DNAH7: variants seen among roughly 807,000 people sequenced by gnomAD.
DNAH7 encodes the protein dynein axonemal heavy chain 7.
In DNAH7, 397 loss-of-function variants were observed where a neutral mutation model predicts 444.6. That is an observed-to-expected ratio of 0.89 (90% CI 0.82 to 0.97). The LOEUF is 0.97. DNAH7 is among the 50% of genes least tolerant of loss of function. DNAH7 has a pLI of 0.00. For synonymous variants in DNAH7, 1,636 were observed against 1,624.4 expected (o/e 1.01, Z -0.17); for missense variants, 4,902 against 4,800.8 (o/e 1.02, Z -0.62).
chr2:195,995,382 C>T, intron 12 of DNAH7: 1 of 513,118 alleles, frequency 1.9e-6, no homozygotes, highest in Non-Finnish European at 3.9e-6. Flanking sequence ...GGTGAGCACA[C>T]CAAGGGATGT....
intron 58 of DNAH7, among the ~76,000 whole-genome samples, chr2:195,779,085 C>T (rs544884261): frequency 6.6e-6 from 1 of 152,242 alleles, no homozygotes; most frequent in Admixed American, 6.5e-5. Context: ...CCTCATGATC[C>T]GCCTGCCTTG....
At chr2:195,746,821 A>G (rs1386925782) in intron 63 of DNAH7, among the ~76,000 whole-genome samples, 4 of 152,186 alleles carry the variant, frequency 2.6e-5, no homozygotes, top group Non-Finnish European at 5.9e-5. Context: ...ACAACATACC[A>G]GAATCTCTGG....
chr2:195,949,270 A>G (rs1243992721), intron 19 of DNAH7, among the ~76,000 whole-genome samples: 1 of 151,990 alleles, frequency 6.6e-6, no homozygotes, highest in Non-Finnish European at 1.5e-5. Context: ...TCCTTTTTGA[A>G]TACCACTTAT....
chr2:195,829,174 T>A (rs933767716), intron 48 of DNAH7, among the ~76,000 whole-genome samples: 1 of 152,202 alleles, frequency 6.6e-6, no homozygotes, highest in Non-Finnish European at 1.5e-5. Flanking sequence ...CTATAATAAC[T>A]ACCAAAATAG....
At position 195,972,249 on chromosome 2, in the gene DNAH7, CCTT is replaced by C; in HGVS notation, c.2048_2050del (p.Glu683del). 1 of 1,612,612 alleles carries C rather than the reference CCTT, an allele frequency of 6.2e-7. No individual in the cohort carries two copies. The highest frequency in any genetic ancestry group is 8.5e-7 in the Non-Finnish European group (1 of 1,178,932). On this transcript the variant is annotated inframe_deletion, in exon 16 of 65. Transcript: ENST00000312428. Reference sequence around the variant, plus strand: ...AATATCTAAGATGCCAACCTTCAGACCTTCTTGATATTGTTCTATTTTCTCTTT... The same window carrying C: ...AATATCTAAGATGCCAACCTTCAGACCTTGATATTGTTCTATTTTCTCTTT...
intron 10 of DNAH7, among the ~76,000 whole-genome samples, chr2:196,006,345 G>A (rs561162194): frequency 2.0e-5 from 3 of 152,198 alleles, no homozygotes; most frequent in East Asian, 3.9e-4. Flanking sequence ...TGACCATGTA[G>A]AATCTACCTC....
intron 58 of DNAH7, among the ~76,000 whole-genome samples, chr2:195,785,379 A>AG (rs1015042946): frequency 5.3e-5 from 8 of 151,924 alleles, no homozygotes; most frequent in African/African-American, 1.9e-4. Flanking sequence ...TTTTTAAGAC[A>AG]GGGTCTTGTT....
At chr2:195,960,173 G>T in intron 18 of DNAH7, 87 bp downstream of exon 18, 1 of 1,096,828 alleles carries the variant, frequency 9.1e-7, no homozygotes, top group South Asian at 1.6e-5. Context: ...AATATTATGT[G>T]TGAAATAATT....
At chr2:195,927,541 TA>T (rs1688419839) in intron 21 of DNAH7, among the ~76,000 whole-genome samples, 2 of 151,262 alleles carry the variant, frequency 1.3e-5, no homozygotes, top group Admixed American at 6.6e-5. Flanking sequence ...ATTAATTAAT[TA>T]AAAAAATAGG....
chr2:195,743,523 G>A (rs1475618912), intron 63 of DNAH7, among the ~76,000 whole-genome samples: 1 of 152,100 alleles, frequency 6.6e-6, no homozygotes, highest in African/African-American at 2.4e-5. Context: ...CCAGACCCTA[G>A]AAACAGGAAC....
At chr2:195,826,365 C>T (rs951935220) in intron 48 of DNAH7, among the ~76,000 whole-genome samples, 9 of 152,120 alleles carry the variant, frequency 5.9e-5, no homozygotes, top group Non-Finnish European at 1.3e-4. Flanking sequence ...TCTTGTCATG[C>T]TCATAACTGT....
intron 47 of DNAH7, 46 bp downstream of exon 47, chr2:195,844,956 A>T (rs572817902): frequency 6.5e-7 from 1 of 1,541,436 alleles, no homozygotes; most frequent in Non-Finnish European, 8.8e-7. Flanking sequence ...AGATAAATCT[A>T]CTGTTATTTA....
At chr2:195,894,064 G>A (rs1702164531) in intron 30 of DNAH7, 1 of 152,168 alleles carries the variant, frequency 6.6e-6, no homozygotes, top group South Asian at 2.1e-4. Context: ...CAGCATGGAA[G>A]TGTAAAAGCA....
At chr2:195,805,323 G>C (rs1696658816) in intron 54 of DNAH7, among the ~76,000 whole-genome samples, 1 of 151,920 alleles carries the variant, frequency 6.6e-6, no homozygotes, top group African/African-American at 2.4e-5. Flanking sequence ...TTTTTATCTA[G>C]CTTAGAAAAC....
intron 12 of DNAH7, among the ~76,000 whole-genome samples, chr2:195,990,618 C>T (rs1192726697): frequency 6.6e-6 from 1 of 151,832 alleles, no homozygotes; most frequent in African/African-American, 2.4e-5. Context: ...ATGATCATGC[C>T]ACTGCACTCC....
Position 195,926,658 on chromosome 2 carries a change from C to A in DNAH7, c.3472-92G>T. On this transcript the variant is annotated intron_variant, in intron 21 of 64. Transcript: ENST00000312428. ...CTAAACTAGATTAATTCATACTGCTCAATTTTTTACAACATTCTTAGACAT... is the reference window on the plus strand; with the variant it reads ...CTAAACTAGATTAATTCATACTGCTAAATTTTTTACAACATTCTTAGACAT... 3.6e-6 allele frequency: 4 copies of A among 1,098,586 alleles called. No homozygotes were observed. In the South Asian group the frequency reaches 6.9e-5, roughly 19 times the overall value. The allele number at this position is 1,098,586 out of a possible 1,614,324, so 68.1% of individuals were successfully genotyped here.
At position 195,778,049 on chromosome 2, in the gene DNAH7, T is replaced by C. The variant is rs935610355; in HGVS notation, c.10879-64A>G. 9 of 1,360,094 alleles carry C rather than the reference T, an allele frequency of 6.6e-6. No homozygotes were observed. The African/African-American group carries it at 1.3e-4, about 20-fold the overall frequency. 84.3% of individuals were successfully genotyped at this position (1,360,094 alleles called of 1,614,324 possible). On this transcript the variant is annotated intron_variant, in intron 58 of 64. Coordinates refer to ENST00000312428, the MANE Select transcript of DNAH7 (RefSeq NM_018897.3). ...ATGTTATACAGAATCGTGTTTCTTGTTTTTTCCTATTACTAAATTAAACAT... is the reference window on the plus strand; with the variant it reads ...ATGTTATACAGAATCGTGTTTCTTGCTTTTTCCTATTACTAAATTAAACAT...
intron 54 of DNAH7, among the ~76,000 whole-genome samples, chr2:195,801,075 A>G (rs1696426596): frequency 6.6e-6 from 1 of 152,122 alleles, no homozygotes; most frequent in Non-Finnish European, 1.5e-5. Context: ...CCATGCTGTG[A>G]CATTGCACAA....
intron 58 of DNAH7, among the ~76,000 whole-genome samples, chr2:195,778,632 ATAAATAAAT>A (rs200527732): frequency 8.7e-5 from 5 of 57,302 alleles, no homozygotes; most frequent in East Asian, 5.7e-4. Context: ...AAAAAAAAAA[ATAAATAAAT>A]AAATATATAT....
Sources: gnomAD v4.1 joint callset for allele counts (sites outside exome capture counted in the v4.1 genomes callset) on GRCh38, gnomAD v4.1.1 for gene constraint, MANE v1.5 for transcripts, NCBI Gene and HGNC (gene_info 2026-07-23, HGNC 2026-07-21) for gene names.